Variants in ZNF124 observed in about 807,000 individuals in gnomAD.
ZNF124 encodes the protein zinc finger protein 124, also known as zinc finger protein HZF-16.
ZNF124 carries 25 observed loss-of-function variants against 26.6 expected under a neutral mutation model. That is an observed-to-expected ratio of 0.94 (90% CI 0.68 to 1.31). The LOEUF (loss-of-function observed/expected upper bound fraction) is 1.31, where lower values mean the gene tolerates loss of function less well. ZNF124 is among the 40% of genes most tolerant of loss of function. ZNF124 has a pLI of 0.00. For missense variants in ZNF124, 444 were observed against 422.2 expected (o/e 1.05, Z -0.45); for synonymous variants, 129 against 133.3 (o/e 0.97, Z 0.22).
At chr1:247,163,609 A>T (rs76456488) in intron 1 of ZNF124, among the ~76,000 whole-genome samples, 3 of 152,286 alleles carry the variant, frequency 2.0e-5, no homozygotes, top group Non-Finnish European at 2.9e-5. Context: ...GAATCCCTGA[A>T]CAGAAAAATG....
intron 3 of ZNF124, among the ~76,000 whole-genome samples, chr1:247,131,896 C>A (rs1672377287): frequency 6.6e-6 from 1 of 152,190 alleles, no homozygotes; most frequent in African/African-American, 2.4e-5. Flanking sequence ...GGTTTCCCCC[C>A]AGTGAAGCAC....
At chr1:247,144,283 C>T (rs1672704958) in intron 3 of ZNF124, among the ~76,000 whole-genome samples, 1 of 152,186 alleles carries the variant, frequency 6.6e-6, no homozygotes, top group Non-Finnish European at 1.5e-5. Context: ...TTATTCTGGT[C>T]ACTCCCTACC....
chr1:247,123,691 C>G (rs1293647501), exon 4 of ZNF124: 1 of 573,762 alleles, frequency 1.7e-6, no homozygotes, highest in African/African-American at 1.9e-5. Context: ...ATTCTTGCTT[C>G]TATTGCAGAA....
intron 3 of ZNF124, among the ~76,000 whole-genome samples, chr1:247,148,613 T>C (rs1046210857): frequency 5.3e-5 from 8 of 152,146 alleles, no homozygotes; most frequent in African/African-American, 1.9e-4. Context: ...CCCAACTGGA[T>C]GCTTTCTGCT....
At chr1:247,137,790 G>T (rs1672522795) in intron 3 of ZNF124, among the ~76,000 whole-genome samples, 1 of 152,098 alleles carries the variant, frequency 6.6e-6, no homozygotes, top group Non-Finnish European at 1.5e-5. Flanking sequence ...ATCAAAAAGT[G>T]GGCAAGGGAT....
At chr1:247,134,530 G>A (rs920229965) in intron 3 of ZNF124, among the ~76,000 whole-genome samples, 13 of 152,170 alleles carry the variant, frequency 8.5e-5, no homozygotes, top group Non-Finnish European at 1.0e-4. Flanking sequence ...TAATGGTAAA[G>A]GGAACTATTC....
At chr1:247,152,051 C>T (rs1346560990), downstream of ZNF124, among the ~76,000 whole-genome samples, 8 of 132,910 alleles carry the variant, frequency 6.0e-5, no homozygotes, top group Admixed American at 3.8e-4. Flanking sequence ...TCCCCACCCC[C>T]CGCTTTTTTT....
intron 3 of ZNF124, among the ~76,000 whole-genome samples, chr1:247,129,001 C>T (rs1429394169): frequency 2.8e-3 from 1 of 362 alleles, no homozygotes; most frequent in Non-Finnish European, 4.0e-3. Flanking sequence ...AGTACTTCCC[C>T]GAGCAGGATG....
intron 1 of ZNF124, among the ~76,000 whole-genome samples, chr1:247,163,834 A>G (rs371234220): frequency 6.6e-6 from 1 of 151,878 alleles, no homozygotes; most frequent in South Asian, 2.1e-4. Flanking sequence ...GCATACAACA[A>G]TGAAAAAGAA....
At chr1:247,132,520 A>G (rs1444933222) in intron 3 of ZNF124, among the ~76,000 whole-genome samples, 1 of 152,182 alleles carries the variant, frequency 6.6e-6, no homozygotes. Context: ...TTCTAACCCA[A>G]TGCAAAGAAG....
chr1:247,131,259 G>T (rs1672359498), intron 3 of ZNF124, among the ~76,000 whole-genome samples: 1 of 152,094 alleles, frequency 6.6e-6, no homozygotes, highest in South Asian at 2.1e-4. Context: ...CAGTGAGTGA[G>T]TGCGCTACCC....
intron 1 of ZNF124, among the ~76,000 whole-genome samples, chr1:247,170,310 A>G (rs1487784820): frequency 6.6e-6 from 1 of 151,230 alleles, no homozygotes; most frequent in Non-Finnish European, 1.5e-5. Context: ...TCAAATGCAC[A>G]ATAAAGAACA....
At chr1:247,143,406 C>A (rs189449833) in intron 3 of ZNF124, among the ~76,000 whole-genome samples, 37 of 152,250 alleles carry the variant, frequency 2.4e-4, no homozygotes, top group African/African-American at 7.5e-4. Context: ...CAGGCTTAAC[C>A]GAGAATTTGA....
At chr1:247,122,369 T>G (rs979553882) in exon 4 of ZNF124, 6 of 152,198 alleles carry the variant, frequency 3.9e-5, no homozygotes, top group Non-Finnish European at 7.4e-5. Flanking sequence ...AATAAAAATG[T>G]TCTGGTATAT....
At chr1:247,138,640 TCC>T (rs1392377611) in intron 3 of ZNF124, 4 of 397,916 alleles carry the variant, frequency 1.0e-5, no homozygotes, top group African/African-American at 2.1e-5. Flanking sequence ...TGAACAATTC[TCC>T]GATCAATCAC....
intron 3 of ZNF124, among the ~76,000 whole-genome samples, chr1:247,139,790 A>AT (rs1672578750): frequency 6.6e-6 from 1 of 151,872 alleles, no homozygotes; most frequent in African/African-American, 2.4e-5. Flanking sequence ...TTGGTTGAAG[A>AT]TTTTTTTCTT....
At chr1:247,145,291 G>T (rs1672733251) in intron 3 of ZNF124, among the ~76,000 whole-genome samples, 1 of 152,190 alleles carries the variant, frequency 6.6e-6, no homozygotes, top group Non-Finnish European at 1.5e-5. Flanking sequence ...GATGATAAAA[G>T]ACACAACGTT....
intron 1 of ZNF124, among the ~76,000 whole-genome samples, chr1:247,160,335 G>A (rs916055285): frequency 6.6e-6 from 1 of 152,176 alleles, no homozygotes. Flanking sequence ...AGCAGAGAAG[G>A]AACACCCTTC....
chr1:247,124,947 A>G (rs1272997480), intron 3 of ZNF124, among the ~76,000 whole-genome samples: 1 of 151,850 alleles, frequency 6.6e-6, no homozygotes, highest in Non-Finnish European at 1.5e-5. Flanking sequence ...ACAGGCACAC[A>G]CCGCCATGCC....
Sources: allele counts gnomAD v4.1 joint callset (sites outside exome capture counted in the v4.1 genomes callset), GRCh38; gene constraint gnomAD v4.1.1; transcripts MANE v1.5; gene names NCBI Gene and HGNC (gene_info 2026-07-23, HGNC 2026-07-21).